ATRN: variants seen among roughly 807,000 people sequenced by gnomAD.
The protein encoded by ATRN is attractin.
In ATRN, 54 loss-of-function variants were observed where a neutral mutation model predicts 178.7. The observed-to-expected ratio is 0.30, with a 90% CI of 0.24 to 0.38. ATRN has a LOEUF of 0.38. Ranked by LOEUF, ATRN falls within the 10% of genes least tolerant of loss-of-function variation. The probability of loss-of-function intolerance (pLI) is 1.00; values close to 1 mark genes in which losing one functional copy is unlikely to be tolerated. For synonymous variants in ATRN, 636 were observed against 663.0 expected (o/e 0.96, Z 0.63); for missense variants, 1,443 against 1,815.1 (o/e 0.79, Z 3.73).
intron 1 of ATRN, among the ~76,000 whole-genome samples, chr20:3,505,935 A>G (rs2085036949): frequency 6.6e-6 from 1 of 152,212 alleles, no homozygotes; most frequent in South Asian, 2.1e-4. Flanking sequence ...GATAGGAGGT[A>G]TGCTGATTGT....
intron 1 of ATRN, among the ~76,000 whole-genome samples, chr20:3,512,085 T>A (rs1467298213): frequency 8.3e-6 from 1 of 119,788 alleles, no homozygotes; most frequent in Non-Finnish European, 1.7e-5. Context: ...CTTTTTTCTT[T>A]TATATATATA....
At chr20:3,600,864 TAGA>T in intron 22 of ATRN, 79 bp from the exon 23 acceptor site, 1 of 1,266,112 alleles carries the variant, frequency 7.9e-7, no homozygotes, top group Non-Finnish European at 1.1e-6. Context: ...TAAGAACATT[TAGA>T]GGAGTAAACT....
intron 1 of ATRN, among the ~76,000 whole-genome samples, chr20:3,479,288 G>A (rs1003274574): frequency 8.5e-5 from 13 of 152,190 alleles, no homozygotes; most frequent in African/African-American, 2.9e-4. Flanking sequence ...TTGAGGATAT[G>A]AAGGTGTGTA....
chr20:3,631,374 C>G (rs73581442), intron 25 of ATRN, among the ~76,000 whole-genome samples: 6 of 152,006 alleles, frequency 3.9e-5, no homozygotes, highest in South Asian at 2.1e-4. Flanking sequence ...GGGGGAAATT[C>G]GATGATTCAA....
chr20:3,593,524 T>C (rs754129990), intron 19 of ATRN, among the ~76,000 whole-genome samples: 2 of 152,140 alleles, frequency 1.3e-5, no homozygotes, highest in Non-Finnish European at 2.9e-5. Flanking sequence ...AAGAGCCAAG[T>C]AGAGGACGCT....
intron 24 of ATRN, among the ~76,000 whole-genome samples, chr20:3,620,968 A>G (rs1665055693): frequency 1.3e-5 from 2 of 152,224 alleles, no homozygotes; most frequent in Non-Finnish European, 2.9e-5. Flanking sequence ...TTCTTAAAAC[A>G]TGATTTTTTT....
chr20:3,649,298 C>A lies in ATRN; in HGVS notation c.*2451C>A, dbSNP rs1390315646. The A allele has an allele frequency of 1.3e-5, 2 of 152,770 alleles. No homozygotes were observed. Among genetic ancestry groups the A allele is most frequent in the East Asian group, 3.9e-4 (2 of 5,190 alleles). 9.5% of individuals were successfully genotyped at this position (152,770 alleles called of 1,614,324 possible). ...TAGTCAAGACAACACTGACCTTGCACTTGTACATAACTATACAGTAGTGTC... is the reference window on the plus strand; with the variant it reads ...TAGTCAAGACAACACTGACCTTGCAATTGTACATAACTATACAGTAGTGTC... On this transcript the variant is annotated 3_prime_UTR_variant, in exon 29 of 29. Coordinates refer to ENST00000262919, the MANE Select transcript of ATRN (RefSeq NM_139321.3).
chr20:3,527,496 C>A (rs1286207346), intron 1 of ATRN, among the ~76,000 whole-genome samples: 1 of 152,182 alleles, frequency 6.6e-6, no homozygotes, highest in East Asian at 1.9e-4. Context: ...TAAGTTCAAT[C>A]ATTGTGGAAG....
At chr20:3,626,626 A>G (rs1294572076) in intron 25 of ATRN, among the ~76,000 whole-genome samples, 3 of 151,916 alleles carry the variant, frequency 2.0e-5, no homozygotes, top group Non-Finnish European at 2.9e-5. Context: ...TCTCTTGTTC[A>G]CTGAGAACAA....
At chr20:3,581,970 T>A (rs1345300429) in intron 15 of ATRN, among the ~76,000 whole-genome samples, 165 bp from the exon 16 acceptor site, 1 of 152,164 alleles carries the variant, frequency 6.6e-6, no homozygotes, top group East Asian at 1.9e-4. Context: ...CCAGGCATGG[T>A]GGCTCATGCC....
rs558067448 is a variant in ATRN at position 3,578,862 on chromosome 20, AT to A, written c.2544+91del. On this transcript the variant is annotated intron_variant, in intron 15 of 28. Coordinates refer to ENST00000262919, the MANE Select transcript of ATRN (RefSeq NM_139321.3). ...AGCTTGCATGTGGAAGGCTGTGGATATGTGTGACGTGCTTGGCAAGAAGGGG... is the reference window on the plus strand; with the variant it reads ...AGCTTGCATGTGGAAGGCTGTGGATAGTGTGACGTGCTTGGCAAGAAGGGG... 62 of 1,250,350 alleles carry A rather than the reference AT, an allele frequency of 5.0e-5. 1 individual carries two copies. In the East Asian group the frequency reaches 1.2e-3, roughly 23 times the overall value. The allele number at this position is 1,250,350 out of a possible 1,614,324, so 77.5% of individuals were successfully genotyped here.
In ATRN at chr20:3,471,717, G is replaced by A. The variant is rs938044933; in HGVS notation, c.410+200G>A. Among the ~76,000 whole-genome samples the A allele has an allele frequency of 3.3e-5, 5 of 152,354 alleles. No individual in the cohort carries two copies. The East Asian group carries it at 9.7e-4, about 29-fold the overall frequency. Reference sequence around the variant, plus strand: ...TCTTTCTCTGTTGGAAGGTGAAAAGGTGTGGGGCAAGGGTGGGGGCACCCC... The same window carrying A: ...TCTTTCTCTGTTGGAAGGTGAAAAGATGTGGGGCAAGGGTGGGGGCACCCC... On this transcript the variant is annotated intron_variant, in intron 1 of 28. Coordinates refer to ENST00000262919, the MANE Select transcript of ATRN (RefSeq NM_139321.3).
intron 10 of ATRN, among the ~76,000 whole-genome samples, chr20:3,564,272 A>G (rs2085997111): frequency 6.6e-6 from 1 of 152,218 alleles, no homozygotes; most frequent in Admixed American, 6.5e-5. Context: ...AATGTATGAG[A>G]GCACCTCTGA....
At chr20:3,565,898 T>C (rs764468313) in intron 11 of ATRN, among the ~76,000 whole-genome samples, 32 of 151,874 alleles carry the variant, frequency 2.1e-4, no homozygotes, top group Non-Finnish European at 4.0e-4. Context: ...TACAGGATTA[T>C]GTGGGTATAA....
At chr20:3,585,616 C>A (rs1329583664) in intron 18 of ATRN, among the ~76,000 whole-genome samples, 2 of 152,130 alleles carry the variant, frequency 1.3e-5, no homozygotes, top group African/African-American at 4.8e-5. Flanking sequence ...ATATTTAAAT[C>A]TCTGCTTTTT....
intron 18 of ATRN, among the ~76,000 whole-genome samples, chr20:3,585,743 A>G (rs1253486959): frequency 1.3e-5 from 2 of 152,262 alleles, no homozygotes; most frequent in East Asian, 1.9e-4. Context: ...TTAAAACTCA[A>G]CAATAGAAAG....
chr20:3,585,320 C>A (rs969247604), intron 18 of ATRN, among the ~76,000 whole-genome samples: 1 of 152,136 alleles, frequency 6.6e-6, no homozygotes, highest in African/African-American at 2.4e-5. Context: ...GGAGAAAATA[C>A]CTGCACTGCA....
In ATRN at chr20:3,474,904, C is replaced by T. The variant is rs188767848; in HGVS notation, c.410+3387C>T. On this transcript the variant is annotated intron_variant, in intron 1 of 28. Transcript: ENST00000262919. ...AAAATTACCTGGGCATGGTGGCAGG[C>T]GCCTGTGATCCCAGCTACTCGGGAG... Among the ~76,000 whole-genome samples, 729 of 151,476 alleles carry T rather than the reference C, an allele frequency of 4.8e-3. 6 individuals are homozygous for T. The highest frequency in any genetic ancestry group is 0.017 in the African/African-American group (693 of 41,202).
chr20:3,574,753 C>T (rs1431765970), intron 12 of ATRN, among the ~76,000 whole-genome samples: 1 of 152,200 alleles, frequency 6.6e-6, no homozygotes, highest in Non-Finnish European at 1.5e-5. Context: ...GCTGTCATCT[C>T]ACCTGAGACT....
Sources: allele counts gnomAD v4.1 joint callset (sites outside exome capture counted in the v4.1 genomes callset), GRCh38; gene constraint gnomAD v4.1.1; transcripts MANE v1.5; gene names NCBI Gene and HGNC (gene_info 2026-07-23, HGNC 2026-07-21).